Variants in LIN28A observed in about 807,000 individuals in gnomAD.
LIN28A encodes lin-28 RNA binding posttranscriptional regulator A.
LIN28A carries 11 observed loss-of-function variants against 21.1 expected under a neutral mutation model. That is an observed-to-expected ratio of 0.52 (90% CI 0.33 to 0.86). The LOEUF (loss-of-function observed/expected upper bound fraction) is 0.86. Ranked by LOEUF, LIN28A falls within the 40% of genes least tolerant of loss-of-function variation. The pLI is 0.03. For synonymous variants in LIN28A, 111 were observed against 108.7 expected (o/e 1.02, Z -0.13); for missense variants, 219 against 279.8 (o/e 0.78, Z 1.55).
Position 26,410,907 on chromosome 1 carries a change from A to G in LIN28A, c.16A>G (p.Asn6Asp). The G allele has an allele frequency of 6.2e-7, 1 of 1,607,490 alleles. No individual in the cohort carries two copies. The highest frequency in any genetic ancestry group is 8.5e-7 in the Non-Finnish European group (1 of 1,178,290). Residue 6 changes from asparagine (N) to aspartate (D), a missense_variant, in exon 1 of 4, where the codon AAC (asparagine) becomes GAC (aspartate). Physicochemically the swap from Asn to Asp is conservative, Grantham distance 23 (BLOSUM62 1). This residue lies in a region of LIN28A where 50 missense variants were observed against 49.0 expected (regional missense o/e 1.02). Transcript: ENST00000326279. ...GCCGACGACCATGGGCTCCGTGTCC[A>G]ACCAGCAGTTTGCAGGTTCGAGCTC... MGSVS[N>D]QQFAGGCAKA...
At position 26,427,621 on chromosome 1, in the gene LIN28A, G is replaced by A. The variant is rs1325098460; in HGVS notation, c.*1163G>A. ...GTTGTCTAATCCTATGGCACAGGAC[G>A]TGCTTTACATCTCCAGATCTGTTCT... On this transcript the variant is annotated 3_prime_UTR_variant, in exon 4 of 4. Coordinates refer to ENST00000326279, the MANE Select transcript of LIN28A (RefSeq NM_024674.6). 1.3e-5 allele frequency: 2 copies of A among 152,304 alleles called. No homozygotes were observed. Among genetic ancestry groups the A allele is most frequent in the Admixed American group, 6.5e-5 (1 of 15,276 alleles). 9.4% of individuals were successfully genotyped at this position (152,304 alleles called of 1,614,324 possible). A position where few individuals can be genotyped will look rare whatever the true frequency, so the allele number is the denominator to read the frequency against.
At chr1:26,414,245 T>C (rs980601701) in intron 2 of LIN28A, among the ~76,000 whole-genome samples, 1 of 136,326 alleles carries the variant, frequency 7.3e-6, no homozygotes, top group Non-Finnish European at 1.7e-5. Flanking sequence ...GGGTAAGAAA[T>C]CTTTAACAAA....
chr1:26,426,799 A>G lies in LIN28A; in HGVS notation c.*341A>G, dbSNP rs138297935. ...TTTTCCTTTTAAAGAAGGATATATAATAATTCCCATGCCAGAGTGAAATGA... is the reference window on the plus strand; with the variant it reads ...TTTTCCTTTTAAAGAAGGATATATAGTAATTCCCATGCCAGAGTGAAATGA... On this transcript the variant is annotated 3_prime_UTR_variant, in exon 4 of 4. Transcript: ENST00000326279. 79 of 275,296 alleles carry G rather than the reference A, an allele frequency of 2.9e-4. No individual in the cohort carries two copies. Among genetic ancestry groups the G allele is most frequent in the Admixed American group, 8.2e-4 (17 of 20,676 alleles). 17.1% of individuals were successfully genotyped at this position (275,296 alleles called of 1,614,324 possible).
chr1:26,418,000 G>C (rs1348467574), intron 2 of LIN28A, among the ~76,000 whole-genome samples: 1 of 150,514 alleles, frequency 6.6e-6, no homozygotes, highest in East Asian at 1.9e-4. Context: ...GTTCCTTTGT[G>C]TTGTTTTTTT....
chr1:26,425,540 C>A (rs1355750008), intron 3 of LIN28A, 53 bp downstream of exon 3: 9 of 1,518,268 alleles, frequency 5.9e-6, no homozygotes, highest in Non-Finnish European at 1.8e-6. Flanking sequence ...CCCAGTCTCC[C>A]AATCCTGTCA....
chr1:26,418,669 C>A (rs186111574), intron 2 of LIN28A, among the ~76,000 whole-genome samples: 1 of 152,144 alleles, frequency 6.6e-6, no homozygotes, highest in Non-Finnish European at 1.5e-5. Flanking sequence ...ATGGGTCATG[C>A]CTTCTCTCCC....
At chr1:26,413,818 T>C (rs1262756785) in intron 2 of LIN28A, among the ~76,000 whole-genome samples, 1,428 of 117,488 alleles carry the variant, frequency 0.012, 11 homozygotes, top group African/African-American at 0.021. Flanking sequence ...TGTTTGTTTG[T>C]TTGTTGCTTT....
At position 26,411,273 on chromosome 1, in the gene LIN28A, C is replaced by A. The variant is rs1230248523; in HGVS notation, c.32-113C>A. The A allele has an allele frequency of 9.5e-7, 1 of 1,051,884 alleles. No individual in the cohort carries two copies. Among genetic ancestry groups the A allele is most frequent in the African/African-American group, 1.6e-5 (1 of 61,672 alleles). 65.2% of individuals were successfully genotyped at this position (1,051,884 alleles called of 1,614,324 possible). A position where few individuals can be genotyped will look rare whatever the true frequency, so the allele number is the denominator to read the frequency against. ...CTCTTCTGTTGCTTGGTAGCTGCCCCCTCCTGGCTGTCCACTTGTGGGGCT... is the reference window on the plus strand; with the variant it reads ...CTCTTCTGTTGCTTGGTAGCTGCCCACTCCTGGCTGTCCACTTGTGGGGCT... On this transcript the variant is annotated intron_variant, in intron 1 of 3. Transcript: ENST00000326279. The surrounding 1 kb of genome is among the most constrained non-coding windows in gnomAD (Gnocchi z 5.4).
intron 2 of LIN28A, among the ~76,000 whole-genome samples, chr1:26,421,070 T>C (rs975494114): frequency 7.9e-5 from 12 of 152,334 alleles, no homozygotes; most frequent in African/African-American, 2.4e-4. Flanking sequence ...AACTGCTTTA[T>C]AAATATCAGT....
At position 26,420,617 on chromosome 1, in the gene LIN28A, A is replaced by T. The variant is rs138030086; in HGVS notation, c.229-4686A>T. The stretch of plus-strand genomic sequence containing the variant: ...AGACTTTCTCAAAAAAAAAAAAAAA[A>T]AATTAAGTGATAAGGAATCTGTGGT... On this transcript the variant is annotated intron_variant, in intron 2 of 3. Coordinates refer to ENST00000326279, the MANE Select transcript of LIN28A (RefSeq NM_024674.6). Among the ~76,000 whole-genome samples the T allele has an allele frequency of 6.9e-3, 1,044 of 151,698 alleles. 18 individuals are homozygous for T. The highest frequency in any genetic ancestry group is 0.023 in the African/African-American group (954 of 41,284).
chr1:26,422,101 T>C (rs569558797), intron 2 of LIN28A, among the ~76,000 whole-genome samples: 1 of 151,806 alleles, frequency 6.6e-6, no homozygotes, highest in Admixed American at 6.6e-5. Context: ...CTCTGCCTCC[T>C]GGGCTCAAGG....
chr1:26,411,874 T>C lies in LIN28A; in HGVS notation c.228+292T>C, dbSNP rs777808611. On this transcript the variant is annotated intron_variant, in intron 2 of 3. Transcript: ENST00000326279. The surrounding 1 kb of genome is among the most constrained non-coding windows in gnomAD (Gnocchi z 5.4). Reference sequence around the variant, plus strand: ...GGCAGGGGGCAGGGAGGTGACCCCATGTGGCAGAAACTAAGGTTGTATTGT... The same window carrying C: ...GGCAGGGGGCAGGGAGGTGACCCCACGTGGCAGAAACTAAGGTTGTATTGT... 1.3e-5 allele frequency among the ~76,000 whole-genome samples: 2 copies of C among 152,072 alleles called. No homozygotes were observed. Among genetic ancestry groups the C allele is most frequent in the Non-Finnish European group, 2.9e-5 (2 of 68,008 alleles).
intron 2 of LIN28A, among the ~76,000 whole-genome samples, chr1:26,414,937 C>T (rs2074984417): frequency 6.6e-6 from 1 of 152,108 alleles, no homozygotes; most frequent in Non-Finnish European, 1.5e-5. Flanking sequence ...CAACTATTTT[C>T]CTGAGATTCA....
Position 26,411,077 on chromosome 1 carries a change from T to A in LIN28A, c.31+155T>A, listed in dbSNP as rs2074955065. Among the ~76,000 whole-genome samples, 1 of 152,164 alleles carries A rather than the reference T, an allele frequency of 6.6e-6. No homozygotes were observed. Among genetic ancestry groups the A allele is most frequent in the Non-Finnish European group, 1.5e-5 (1 of 68,014 alleles). ...AGGGCCGTCTCTGGGGCCAGGAACC[T>A]TGGTGTCCCAGTGGCGTGCGCGCCA... is the stretch of plus-strand genomic sequence containing the variant. On this transcript the variant is annotated intron_variant, in intron 1 of 3. Transcript: ENST00000326279. This position sits in a 1 kb window ranked among gnomAD's most constrained non-coding sequence, Gnocchi z 5.4.
In LIN28A at chr1:26,426,585, A is replaced by G. The variant is rs556708356; in HGVS notation, c.*127A>G. The G allele has an allele frequency of 8.2e-4, 584 of 709,710 alleles. 9 individuals carry two copies. In the South Asian group the frequency reaches 9.4e-3, roughly 11 times the overall value. 44.0% of individuals were successfully genotyped at this position (709,710 alleles called of 1,614,324 possible). On this transcript the variant is annotated 3_prime_UTR_variant, in exon 4 of 4. Coordinates refer to ENST00000326279, the MANE Select transcript of LIN28A (RefSeq NM_024674.6). Reference sequence around the variant, plus strand: ...CCATGTATCTCAGGCTTGGGTTCACACCATCACCCTTTCTTCCCTCTAGGT... The same window carrying G: ...CCATGTATCTCAGGCTTGGGTTCACGCCATCACCCTTTCTTCCCTCTAGGT...
intron 2 of LIN28A, among the ~76,000 whole-genome samples, chr1:26,424,395 C>A (rs1024908441): frequency 6.6e-6 from 1 of 151,960 alleles, no homozygotes; most frequent in South Asian, 2.1e-4. Flanking sequence ...GCGCCCACCA[C>A]CACACCCGGC....
chr1:26,427,831 C>T lies in LIN28A; in HGVS notation c.*1373C>T, dbSNP rs1337515663. The T allele has an allele frequency of 6.6e-6, 1 of 152,610 alleles. No individual in the cohort carries two copies. Among genetic ancestry groups the T allele is most frequent in the Non-Finnish European group, 1.5e-5 (1 of 68,050 alleles). The allele number at this position is 152,610 out of a possible 1,614,324, so 9.5% of individuals were successfully genotyped here. A position where few individuals can be genotyped will look rare whatever the true frequency, so the allele number is the denominator to read the frequency against. On this transcript the variant is annotated 3_prime_UTR_variant, in exon 4 of 4. Coordinates refer to ENST00000326279, the MANE Select transcript of LIN28A (RefSeq NM_024674.6). The stretch of plus-strand genomic sequence containing the variant: ...AATTTTCGGGTTCCAGGGAGACACA[C>T]AAGCGAGGGTTTTGTGGTGCCTGGA...
At chr1:26,423,566 C>T (rs1489134542) in intron 2 of LIN28A, among the ~76,000 whole-genome samples, 13 of 151,610 alleles carry the variant, frequency 8.6e-5, no homozygotes, top group Non-Finnish European at 1.6e-4. Context: ...CCCACCACCA[C>T]GCCTGGCTAA....
At position 26,427,167 on chromosome 1, in the gene LIN28A, T is replaced by G. The variant is rs2075064665; in HGVS notation, c.*709T>G. 7 of 152,752 alleles carry G rather than the reference T, an allele frequency of 4.6e-5. No individual in the cohort carries two copies. Among genetic ancestry groups the G allele is most frequent in the Admixed American group, 2.6e-4 (4 of 15,298 alleles). The allele number at this position is 152,752 out of a possible 1,614,324, so 9.5% of individuals were successfully genotyped here. On this transcript the variant is annotated 3_prime_UTR_variant, in exon 4 of 4. Transcript: ENST00000326279. ...CGTATCTTGTGCATTTTAACTTTTT[T>G]TCCTTAATATAAATATTCTGGTTTT...
Sources: gnomAD v4.1 joint callset for allele counts (sites outside exome capture counted in the v4.1 genomes callset) on GRCh38, gnomAD v4.1.1 for gene constraint, gnomAD v4.1.1 regional missense constraint, Gnocchi (gnomAD v3.1) non-coding constraint, MANE v1.5 for transcripts, NCBI Gene and HGNC (gene_info 2026-07-23, HGNC 2026-07-21) for gene names.